PCF11: variants seen among roughly 807,000 people sequenced by gnomAD.
The protein encoded by PCF11 is pre-mRNA cleavage complex 2 protein Pcf11.
PCF11 carries 19 observed loss-of-function variants against 166.1 expected under a neutral mutation model. The observed-to-expected ratio is 0.11, with a 90% CI of 0.08 to 0.17. The LOEUF (loss-of-function observed/expected upper bound fraction) is 0.17. Ranked by LOEUF, PCF11 falls within the 10% of genes least tolerant of loss-of-function variation. PCF11 has a pLI of 1.00. For synonymous variants in PCF11, 663 were observed against 644.1 expected (o/e 1.03, Z -0.44); for missense variants, 1,565 against 1,855.5 (o/e 0.84, Z 2.88).
Position 83,161,321 on chromosome 11 carries a change from A to G in PCF11, c.193-6A>G, listed in dbSNP as rs1182167409. ...ATACTAAACTTCTCAGTTTCTTTTTATTCAGGCTCCTTCCTCAGAGAAGCT... is the reference window on the plus strand; with the variant it reads ...ATACTAAACTTCTCAGTTTCTTTTTGTTCAGGCTCCTTCCTCAGAGAAGCT... On this transcript the variant is annotated splice_polypyrimidine_tract_variant and splice_region_variant and intron_variant, in intron 1 of 15. Transcript: ENST00000298281. 1.3e-6 allele frequency: 2 copies of G among 1,587,938 alleles called. No individual in the cohort carries two copies. Among genetic ancestry groups the G allele is most frequent in the South Asian group, 1.2e-5 (1 of 85,696 alleles).
chr11:83,168,637 A>G (rs915228356), exon 8 of PCF11: 5 of 1,613,962 alleles, frequency 3.1e-6, no homozygotes, highest in Non-Finnish European at 4.2e-6. Flanking sequence ...CCCAACGAAG[A>G]TGATTTTTGA....
At chr11:83,186,161 AC>A (rs1368072048) in exon 16 of PCF11, 3 of 152,120 alleles carry the variant, frequency 2.0e-5, no homozygotes, top group Admixed American at 1.3e-4. Context: ...TTTAAAAGAT[AC>A]CCCCAAATTG....
chr11:83,161,559 A>G, intron 2 of PCF11, 107 bp downstream of exon 2: 1 of 804,028 alleles, frequency 1.2e-6, no homozygotes, highest in Non-Finnish European at 1.9e-6. Flanking sequence ...AATGTTTTAT[A>G]CTTTTGGACA....
At chr11:83,169,964 T>C in exon 8 of PCF11, 1 of 1,600,824 alleles carries the variant, frequency 6.2e-7, no homozygotes, top group Non-Finnish European at 8.5e-7. Context: ...CCTGCTCCAA[T>C]GACAGTAGGA....
intron 11 of PCF11, among the ~76,000 whole-genome samples, chr11:83,179,335 C>T (rs774194247): frequency 2.6e-5 from 4 of 151,704 alleles, no homozygotes; most frequent in Non-Finnish European, 4.4e-5. Flanking sequence ...TTGCAACCTC[C>T]GCCTCCCAGG....
intron 15 of PCF11, chr11:83,184,038 C>T (rs1224958568): frequency 6.6e-6 from 1 of 151,002 alleles, no homozygotes; most frequent in Non-Finnish European, 1.5e-5. Context: ...TATAGTTCCA[C>T]CTGATTGTGA....
At chr11:83,176,006 A>T (rs1860865800) in intron 9 of PCF11, among the ~76,000 whole-genome samples, 2 of 152,190 alleles carry the variant, frequency 1.3e-5, no homozygotes, top group Non-Finnish European at 2.9e-5. Flanking sequence ...GAGCCATCTG[A>T]TTCATCTCCC....
In PCF11 at chr11:83,177,155, G is replaced by A. The variant is rs1036919224; in HGVS notation, c.3828G>A (p.Leu1276=). 3.8e-6 allele frequency: 6 copies of A among 1,575,482 alleles called. No individual in the cohort carries two copies. In the African/African-American group the frequency reaches 5.4e-5, roughly 14 times the overall value. Residue 1276 remains leucine (L), a synonymous_variant, in exon 10 of 16, where the codon TTG becomes TTA. Transcript: ENST00000298281. ...ATGTAAATGAATTGTTTTCAAAATT[G>A]CTAAAAACAGGAATTCTCAAATTGT...
At chr11:83,186,700 A>C (rs1861302702) in exon 16 of PCF11, 1 of 152,250 alleles carries the variant, frequency 6.6e-6, no homozygotes, top group Non-Finnish European at 1.5e-5. Flanking sequence ...GAGATTGCTA[A>C]ATCCAGAGAG....
At position 83,167,857 on chromosome 11, in the gene PCF11, A is replaced by C. The variant is rs373396594; in HGVS notation, c.2092+352A>C. 7.6e-7 allele frequency: 1 copy of C among 1,311,742 alleles called. No homozygotes were observed. The allele number at this position is 1,311,742 out of a possible 1,614,324, so 81.3% of individuals were successfully genotyped here. A position where few individuals can be genotyped will look rare whatever the true frequency, so the allele number is the denominator to read the frequency against. ...ACTTATGCTGAGAATCTTTCACCCC[A>C]TGAGGGCCGGAGAAGACATGACGAG... On this transcript the variant is annotated intron_variant, in intron 7 of 15. Transcript: ENST00000298281. The surrounding 1 kb of genome is among the most constrained non-coding windows in gnomAD (Gnocchi z 4.2).
chr11:83,164,278 T>C lies in PCF11; in HGVS notation c.579T>C (p.Asp193=), dbSNP rs200475341. 188 of 1,613,520 alleles carry C rather than the reference T, an allele frequency of 1.2e-4. No individual in the cohort carries two copies. Among genetic ancestry groups the C allele is most frequent in the Non-Finnish European group, 1.4e-4 (161 of 1,179,640 alleles). Residue 193 remains aspartate (D), a synonymous_variant, in exon 4 of 16, where the codon GAT becomes GAC. Coordinates refer to ENST00000298281, the Ensembl canonical transcript of PCF11. ...TCTCCACTCCTCCAATTGTTCCTGATATACAAAAGAATCTTACACAAGAAC... is the reference window on the plus strand; with the variant it reads ...TCTCCACTCCTCCAATTGTTCCTGACATACAAAAGAATCTTACACAAGAAC...
At chr11:83,178,483 A>G (rs1464993972) in intron 11 of PCF11, among the ~76,000 whole-genome samples, 1 of 151,986 alleles carries the variant, frequency 6.6e-6, no homozygotes, top group East Asian at 1.9e-4. Flanking sequence ...TGAGATTTTC[A>G]TAGTTCAGCA....
At chr11:83,175,135 T>C (rs544179664) in intron 9 of PCF11, among the ~76,000 whole-genome samples, 1 of 152,238 alleles carries the variant, frequency 6.6e-6, no homozygotes, top group East Asian at 1.9e-4. Flanking sequence ...CATTAAAATA[T>C]TGTTTTCTTT....
Position 83,173,719 on chromosome 11 carries a change from C to CTT in PCF11, c.3757+1832_3757+1833dup, listed in dbSNP as rs869126679. Among the ~76,000 whole-genome samples, 228 of 59,076 alleles carry CTT rather than the reference C, an allele frequency of 3.9e-3. 2 individuals are homozygous for CTT. The highest frequency in any genetic ancestry group is 7.3e-3 in the East Asian group (11 of 1,512). 38.8% of individuals were successfully genotyped at this position (59,076 alleles called of 152,430 possible). ...AATTTTCTTGTTTCTTTCTTTCTTT[C>CTT]TTTTTTTTTTTTTTTTTTTTTTTTT... is the stretch of plus-strand genomic sequence containing the variant. On this transcript the variant is annotated intron_variant, in intron 9 of 15. Transcript: ENST00000298281.
At chr11:83,175,511 G>A (rs1860845499) in intron 9 of PCF11, among the ~76,000 whole-genome samples, 1 of 152,142 alleles carries the variant, frequency 6.6e-6, no homozygotes, top group Non-Finnish European at 1.5e-5. Flanking sequence ...CAGCACTTTT[G>A]GGAGGCTAAG....
At chr11:83,157,387 C>A in exon 1 of PCF11, 2 of 1,525,400 alleles carry the variant, frequency 1.3e-6, no homozygotes, top group Non-Finnish European at 1.8e-6. Flanking sequence ...GCGGGGTATC[C>A]AGAGCGGCTT....
intron 12 of PCF11, 53 bp from the exon 13 acceptor site, chr11:83,181,801 G>C: frequency 7.4e-7 from 1 of 1,348,192 alleles, no homozygotes; most frequent in Non-Finnish European, 1.0e-6. Context: ...AAGATACACA[G>C]TAAAAATTTA....
chr11:83,180,536 G>C (rs1486405708), intron 11 of PCF11: 1 of 152,222 alleles, frequency 6.6e-6, no homozygotes, highest in African/African-American at 2.4e-5. Flanking sequence ...GTTTCCCAAT[G>C]GTATTCTAAG....
intron 1 of PCF11, 51 bp from the exon 2 acceptor site, chr11:83,161,272 ATAAT>A: frequency 6.9e-7 from 1 of 1,441,602 alleles, no homozygotes; most frequent in Non-Finnish European, 9.5e-7. Flanking sequence ...TCATTTTTAA[ATAAT>A]TATTTGGTGG....
Sources: allele counts gnomAD v4.1 joint callset (sites outside exome capture counted in the v4.1 genomes callset), GRCh38; gene constraint gnomAD v4.1.1; non-coding constraint Gnocchi (gnomAD v3.1); transcripts MANE v1.5; gene names NCBI Gene and HGNC (gene_info 2026-07-23, HGNC 2026-07-21).